Variants in WDR19 observed in about 807,000 individuals in gnomAD.
WDR19 encodes the protein WD repeat-containing protein 19.
WDR19 carries 121 observed loss-of-function variants against 180.0 expected under a neutral mutation model. The ratio of observed to expected loss-of-function variants is 0.67; its 90% CI spans 0.58 to 0.78. The LOEUF is 0.78. Ranked by LOEUF, WDR19 falls within the 30% of genes least tolerant of loss-of-function variation. The pLI, the probability that WDR19 is intolerant of heterozygous loss-of-function variation, is 0.00. For synonymous variants in WDR19, 497 were observed against 540.7 expected, an observed-to-expected ratio of 0.92 and a Z score of 1.12; for missense variants, 1,450 against 1,640.7, an observed-to-expected ratio of 0.88 and a Z score of 2.01.
At chr4:39,203,180 G>A (rs969071201) in intron 6 of WDR19, among the ~76,000 whole-genome samples, 1 of 149,006 alleles carries the variant, frequency 6.7e-6, no homozygotes, top group Admixed American at 6.8e-5. Context: ...GCTCACTGCA[G>A]CCTCAAGCTC....
chr4:39,259,000 A>G (rs1734019716), intron 28 of WDR19, among the ~76,000 whole-genome samples: 1 of 152,198 alleles, frequency 6.6e-6, no homozygotes, highest in South Asian at 2.1e-4. Flanking sequence ...CCCAGGTGGC[A>G]GAGGTTGTAG....
rs764705908 is a variant in WDR19, at chr4:39,199,611, C to G, written c.522+18C>G. On this transcript the variant is annotated intron_variant, in intron 6 of 36. Coordinates refer to ENST00000399820, the MANE Select transcript of WDR19 (RefSeq NM_025132.4). ...TAAGACAGGTAATACAGTAACGTCTCTTTGGTCTGATATATTCAAGCTTTC... is the reference window on the plus strand; with the variant it reads ...TAAGACAGGTAATACAGTAACGTCTGTTTGGTCTGATATATTCAAGCTTTC... 1 of 1,577,262 alleles carries G rather than the reference C, an allele frequency of 6.3e-7. No homozygotes were observed. Among genetic ancestry groups the G allele is most frequent in the Non-Finnish European group, 8.7e-7 (1 of 1,148,218 alleles).
At chr4:39,248,417 A>G (rs999582804) in intron 24 of WDR19, among the ~76,000 whole-genome samples, 6 of 152,342 alleles carry the variant, frequency 3.9e-5, no homozygotes, top group East Asian at 1.9e-4. Context: ...TGTAAAGACC[A>G]TCAAGGCTAG....
chr4:39,281,845 G>T (rs1736572424), intron 36 of WDR19, among the ~76,000 whole-genome samples: 1 of 152,066 alleles, frequency 6.6e-6, no homozygotes, highest in Non-Finnish European at 1.5e-5. Flanking sequence ...TAGTCTATTT[G>T]TTAGGTTTTG....
intron 15 of WDR19, among the ~76,000 whole-genome samples, chr4:39,226,388 G>C (rs78475859): frequency 3.5e-4 from 53 of 152,296 alleles, no homozygotes; most frequent in African/African-American, 1.2e-3. Context: ...TACCTACTTT[G>C]TAGGGTTGTT....
At chr4:39,186,681 T>A (rs1725593454) in intron 3 of WDR19, 77 bp downstream of exon 3, 1 of 972,598 alleles carries the variant, frequency 1.0e-6, no homozygotes, top group Non-Finnish European at 1.5e-6. Flanking sequence ...GCCTTAAAAT[T>A]ATAATCAGAT....
chr4:39,253,860 A>G, intron 25 of WDR19, 46 bp from the exon 26 acceptor site: 1 of 1,492,204 alleles, frequency 6.7e-7, no homozygotes, highest in Non-Finnish European at 9.0e-7. Flanking sequence ...TTTGTAAATC[A>G]CAAATTTATA....
chr4:39,281,232 T>TAGAGAGAGAG lies in WDR19; in HGVS notation c.*13+2570_*13+2571insGAGAGAGAGA, dbSNP rs542816951. On this transcript the variant is annotated intron_variant, in intron 36 of 36. Coordinates refer to ENST00000399820, the MANE Select transcript of WDR19 (RefSeq NM_025132.4). ...GTGTGTGTGTATATATATATATATATATATAGAGAGAGAGAGAGAGAGAGA... is the reference window on the plus strand; with the variant it reads ...GTGTGTGTGTATATATATATATATATAGAGAGAGAGATATAGAGAGAGAGAGAGAGAGAGA... 2.4e-3 allele frequency among the ~76,000 whole-genome samples: 244 copies of TAGAGAGAGAG among 100,886 alleles called. 1 individual carries two copies. The highest frequency in any genetic ancestry group is 4.3e-3 in the African/African-American group (82 of 18,930). The allele number at this position is 100,886 out of a possible 152,430, so 66.2% of individuals were successfully genotyped here. A position where few individuals can be genotyped will look rare whatever the true frequency, so the allele number is the denominator to read the frequency against.
intron 5 of WDR19, among the ~76,000 whole-genome samples, chr4:39,197,952 C>G (rs1726947128): frequency 6.6e-6 from 1 of 152,168 alleles, no homozygotes; most frequent in South Asian, 2.1e-4. Flanking sequence ...GATCCTCCCA[C>G]CTCAGCTTCC....
intron 15 of WDR19, among the ~76,000 whole-genome samples, chr4:39,225,438 C>G (rs962782876): frequency 2.6e-5 from 4 of 152,074 alleles, no homozygotes; most frequent in African/African-American, 4.8e-5. Flanking sequence ...ATCCTGAGCA[C>G]AAGGAACAGG....
At chr4:39,238,242 A>G (rs539091479) in intron 20 of WDR19, among the ~76,000 whole-genome samples, 4 of 152,316 alleles carry the variant, frequency 2.6e-5, no homozygotes, top group Admixed American at 2.0e-4. Context: ...CCTGTGTTCA[A>G]TTTCAACAGT....
rs555298889 is a variant in WDR19 at position 39,224,411 on chromosome 4, C to T, written c.1480-473C>T. ...TTTTTATTTTTTTGAGTCAGAGTCT[C>T]GCTGTATTGCCCAGGCTAGAGTGCA... On this transcript the variant is annotated intron_variant, in intron 14 of 36. Coordinates refer to ENST00000399820, the MANE Select transcript of WDR19 (RefSeq NM_025132.4). Among the ~76,000 whole-genome samples the T allele has an allele frequency of 3.8e-4, 57 of 151,908 alleles. 1 individual carries two copies. The South Asian group carries it at 6.4e-3, about 17-fold the overall frequency.
chr4:39,258,202 G>C (rs1291316495), intron 28 of WDR19, among the ~76,000 whole-genome samples: 1 of 152,054 alleles, frequency 6.6e-6, no homozygotes, highest in Non-Finnish European at 1.5e-5. Context: ...GCCCAGGCTG[G>C]AGTGCAGTGG....
At chr4:39,269,061 G>A (rs1416549719) in intron 30 of WDR19, among the ~76,000 whole-genome samples, 1 of 152,060 alleles carries the variant, frequency 6.6e-6, no homozygotes, top group African/African-American at 2.4e-5. Context: ...TTGGGGAAAT[G>A]GGGAGGTGGG....
At chr4:39,204,913 T>C (rs777279563) in intron 7 of WDR19, among the ~76,000 whole-genome samples, 6 of 152,188 alleles carry the variant, frequency 3.9e-5, no homozygotes, top group Admixed American at 1.3e-4. Context: ...AAATGGACAC[T>C]CCACAAAGGA....
At chr4:39,214,485 G>A (rs1006111286) in intron 9 of WDR19, 116 bp from the exon 10 acceptor site, 7 of 610,380 alleles carry the variant, frequency 1.1e-5, no homozygotes, top group East Asian at 3.0e-5. Context: ...AGATCATTCT[G>A]TACATCACAT....
At chr4:39,205,849 T>A (rs1243220300) in intron 9 of WDR19, 113 bp downstream of exon 9, 1 of 1,005,408 alleles carries the variant, frequency 9.9e-7, no homozygotes, top group African/African-American at 1.6e-5. Context: ...ATTTAAAACG[T>A]CTAAGACTAC....
chr4:39,239,569 G>C (rs1731703587), intron 20 of WDR19, among the ~76,000 whole-genome samples: 1 of 151,992 alleles, frequency 6.6e-6, no homozygotes, highest in African/African-American at 2.4e-5. Flanking sequence ...TACATGCTAG[G>C]CTTAATACTT....
At position 39,228,352 on chromosome 4, in the gene WDR19, T is replaced by C; in HGVS notation, c.1772T>C (p.Ile591Thr). ...VYTYVFHKDT[I>T]QGAKVILAGS... is the part of the protein sequence containing the mutation. ...ACTTATGTCTTTCACAAGGACACTA[T>C]ACAAGGTACTAAACCCCTTTTGTGT... is the stretch of plus-strand genomic sequence containing the variant. Residue 591 changes from isoleucine (I) to threonine (T), a missense_variant, in exon 16 of 37, where the codon ATA becomes ACA. Coordinates refer to ENST00000399820, the MANE Select transcript of WDR19 (RefSeq NM_025132.4). 1 of 1,609,140 alleles carries C rather than the reference T, an allele frequency of 6.2e-7. No individual in the cohort carries two copies. The highest frequency in any genetic ancestry group is 1.7e-4 in the Middle Eastern group (1 of 6,042).
Sources: allele counts gnomAD v4.1 joint callset (sites outside exome capture counted in the v4.1 genomes callset), GRCh38; gene constraint gnomAD v4.1.1; transcripts MANE v1.5; gene names NCBI Gene and HGNC (gene_info 2026-07-23, HGNC 2026-07-21).